IFFO2: variants seen among roughly 807,000 people sequenced by gnomAD.
IFFO2 encodes intermediate filament family orphan 2.
A neutral mutation model predicts 53.5 loss-of-function variants in IFFO2; 19 were observed. The ratio of observed to expected loss-of-function variants is 0.36; its 90% CI spans 0.25 to 0.52. IFFO2 has a LOEUF of 0.52. IFFO2 is among the 20% of genes least tolerant of loss of function. IFFO2 has a pLI of 0.94. For missense variants in IFFO2, 570 were observed against 727.4 expected, an observed-to-expected ratio of 0.78 and a Z score of 2.49; for synonymous variants, 303 against 313.6, an observed-to-expected ratio of 0.97 and a Z score of 0.36.
chr1:18,937,093 A>C (rs897297988), intron 1 of IFFO2, among the ~76,000 whole-genome samples: 10 of 152,226 alleles, frequency 6.6e-5, no homozygotes, highest in Non-Finnish European at 1.5e-4. Flanking sequence ...CGGCTGGCTC[A>C]GTGCAACTCC....
intron 1 of IFFO2, among the ~76,000 whole-genome samples, chr1:18,934,747 G>A (rs992660): frequency 0.47 from 70,968 of 151,968 alleles, 18,978 homozygotes; most frequent in African/African-American, 0.73. Flanking sequence ...TAACGACAAC[G>A]GGATGCGACC....
intron 1 of IFFO2, among the ~76,000 whole-genome samples, chr1:18,939,555 C>T (rs915433327): frequency 2.0e-5 from 3 of 152,180 alleles, no homozygotes; most frequent in Non-Finnish European, 4.4e-5. Context: ...AATGTGCCTC[C>T]CTCCCAGAAA....
intron 1 of IFFO2, among the ~76,000 whole-genome samples, chr1:18,949,173 G>A (rs1293952986): frequency 6.6e-6 from 1 of 152,182 alleles, no homozygotes; most frequent in Non-Finnish European, 1.5e-5. Context: ...CCATCCTCCT[G>A]GAGGCCTACT....
intron 1 of IFFO2, among the ~76,000 whole-genome samples, chr1:18,938,276 A>G (rs531439505): frequency 4.7e-4 from 71 of 152,370 alleles, no homozygotes; most frequent in Non-Finnish European, 7.9e-4. Context: ...CCATAAGATC[A>G]TAAACACCAG....
intron 8 of IFFO2, 40 bp downstream of exon 8, chr1:18,910,302 G>T: frequency 6.4e-7 from 1 of 1,568,172 alleles, no homozygotes; most frequent in Non-Finnish European, 8.6e-7. Context: ...TCCCCTCCAA[G>T]GATGCCATAG....
rs1936447375 is a variant in IFFO2, at chr1:18,936,385, C to G, written c.666-15264G>C. On this transcript the variant is annotated intron_variant, in intron 1 of 8. Transcript: ENST00000455833. This position sits in a 1 kb window ranked among gnomAD's most constrained non-coding sequence, Gnocchi z 4.5. ...CTTTCTGCCTAGGCCTGGCCAAGCC[C>G]CCATGGACCCTCCACCCCATCCCCA... Among the ~76,000 whole-genome samples the G allele has an allele frequency of 6.6e-6, 1 of 152,198 alleles. No homozygotes were observed. Among genetic ancestry groups the G allele is most frequent in the Non-Finnish European group, 1.5e-5 (1 of 68,030 alleles).
In IFFO2 at chr1:18,908,456, G is replaced by C. The variant is rs1935983918; in HGVS notation, c.*105C>G. On this transcript the variant is annotated 3_prime_UTR_variant, in exon 9 of 9. Coordinates refer to ENST00000455833, the MANE Select transcript of IFFO2 (RefSeq NM_001136265.2). ...AGAGAAGGGAGGGCAGAGAAAGTCT[G>C]TGTGGTGTGGCTTCGAACCCCACTC... 1 of 772,532 alleles carries C rather than the reference G, an allele frequency of 1.3e-6. No individual in the cohort carries two copies. The highest frequency in any genetic ancestry group is 2.2e-6 in the Non-Finnish European group (1 of 447,118). The allele number at this position is 772,532 out of a possible 1,614,324, so 47.9% of individuals were successfully genotyped here.
chr1:18,947,950 C>T lies in IFFO2; in HGVS notation c.665+7718G>A, dbSNP rs1160079820. On this transcript the variant is annotated intron_variant, in intron 1 of 8. Coordinates refer to ENST00000455833, the MANE Select transcript of IFFO2 (RefSeq NM_001136265.2). The surrounding 1 kb of genome is among the most constrained non-coding windows in gnomAD (Gnocchi z 5.0). ...CTCCAGGGGCATGGGACAAGGCCAC[C>T]TCCTGGGAGGAGCACTGACCTTGGG... Among the ~76,000 whole-genome samples the T allele has an allele frequency of 6.6e-6, 1 of 152,230 alleles. No homozygotes were observed. The highest frequency in any genetic ancestry group is 1.9e-4 in the East Asian group (1 of 5,196).
rs138178317 is a variant in IFFO2 at position 18,918,325 on chromosome 1, T to C, written c.963+37A>G. On this transcript the variant is annotated intron_variant, in intron 4 of 8. Transcript: ENST00000455833. The surrounding 1 kb of genome is among the most constrained non-coding windows in gnomAD (Gnocchi z 5.2). Reference sequence around the variant, plus strand: ...GGAGGCCAGGGCTGCTCTGGGAGAGTGGGGGGTTGGCTGGTGAGCAGGGCA... The same window carrying C: ...GGAGGCCAGGGCTGCTCTGGGAGAGCGGGGGGTTGGCTGGTGAGCAGGGCA... 39 of 1,525,648 alleles carry C rather than the reference T, an allele frequency of 2.6e-5. No individual in the cohort carries two copies. The highest frequency in any genetic ancestry group is 1.7e-4 in the Middle Eastern group (1 of 5,754). 94.5% of individuals were successfully genotyped at this position (1,525,648 alleles called of 1,614,324 possible). A position where few individuals can be genotyped will look rare whatever the true frequency, so the allele number is the denominator to read the frequency against.
At chr1:18,921,563 C>G (rs146576057) in intron 1 of IFFO2, among the ~76,000 whole-genome samples, 73 of 152,336 alleles carry the variant, frequency 4.8e-4, no homozygotes, top group African/African-American at 1.7e-3. Context: ...TTTTATTGTG[C>G]TAAGCATTGC....
At chr1:18,951,858 T>C (rs1012023800) in intron 1 of IFFO2, among the ~76,000 whole-genome samples, 4 of 152,098 alleles carry the variant, frequency 2.6e-5, no homozygotes, top group Non-Finnish European at 5.9e-5. Context: ...GAGAAAGGCT[T>C]CAGCGAACAC....
At position 18,956,116 on chromosome 1, in the gene IFFO2, C is replaced by G. The variant is rs920276600; in HGVS notation, c.217G>C (p.Glu73Gln). ...RFRCFLAKVH[E>Q]LERRNRLLEK... is the part of the protein sequence containing the mutation. The stretch of plus-strand genomic sequence containing the variant: ...AGCAGCCGGTTGCGCCGCTCCAGCT[C>G]GTGCACCTTAGCCAGGAAGCAGCGG... The change falls in exon 1 of 9, where the codon GAG (glutamate) becomes CAG (glutamine). Residue 73 changes from glutamate to glutamine, a missense_variant. Physicochemically the swap from Glu to Gln is conservative, Grantham distance 29. Transcript: ENST00000455833. This position sits in a 1 kb window ranked among gnomAD's most constrained non-coding sequence, Gnocchi z 6.4. 6.6e-7 allele frequency: 1 copy of G among 1,508,332 alleles called. No individual in the cohort carries two copies. Among genetic ancestry groups the G allele is most frequent in the Non-Finnish European group, 8.9e-7 (1 of 1,121,484 alleles). 93.4% of individuals were successfully genotyped at this position (1,508,332 alleles called of 1,614,324 possible).
rs1426761008 is a variant in IFFO2 at position 18,916,972 on chromosome 1, T to C, written c.1034A>G (p.Asn345Ser). 2 of 1,551,988 alleles carry C rather than the reference T, an allele frequency of 1.3e-6. No individual in the cohort carries two copies. Among genetic ancestry groups the C allele is most frequent in the Non-Finnish European group, 1.7e-6 (2 of 1,147,060 alleles). Reference protein sequence around the residue: ...DDISEQDGEVNRFSDDEVGSM... With the variant: ...DDISEQDGEVSRFSDDEVGSM... ...GCCGACCTCATCGTCCGAGAACCGGTTCACCTCCCCGTCCTGCTCAGAGAT... is the reference window on the plus strand; with the variant it reads ...GCCGACCTCATCGTCCGAGAACCGGCTCACCTCCCCGTCCTGCTCAGAGAT... Residue 345 changes from asparagine (N) to serine (S), a missense_variant, in exon 5 of 9, where the codon AAC (asparagine) becomes AGC (serine). By Grantham distance (46) the Asn-to-Ser change is conservative. Transcript: ENST00000455833. This position sits in a 1 kb window ranked among gnomAD's most constrained non-coding sequence, Gnocchi z 4.3.
intron 1 of IFFO2, among the ~76,000 whole-genome samples, chr1:18,931,298 C>T (rs1006080219): frequency 7.2e-5 from 11 of 152,174 alleles, no homozygotes; most frequent in Admixed American, 2.6e-4. Flanking sequence ...GTGGGCACTC[C>T]CCCTACCCCT....
At chr1:18,926,954 C>T (rs774637679) in intron 1 of IFFO2, among the ~76,000 whole-genome samples, 1 of 152,152 alleles carries the variant, frequency 6.6e-6, no homozygotes, top group African/African-American at 2.4e-5. Context: ...ACCTGGGGCT[C>T]CTGGAGTGAG....
intron 1 of IFFO2, among the ~76,000 whole-genome samples, chr1:18,931,830 C>A (rs1317910216): frequency 6.6e-6 from 1 of 152,222 alleles, no homozygotes; most frequent in Non-Finnish European, 1.5e-5. Context: ...ATAAGCCCCA[C>A]TCCCTGCCCA....
chr1:18,956,046 A>C lies in IFFO2; in HGVS notation c.287T>G (p.Leu96Arg). 6.8e-7 allele frequency: 1 copy of C among 1,467,796 alleles called. No homozygotes were observed. The highest frequency in any genetic ancestry group is 9.1e-7 in the Non-Finnish European group (1 of 1,095,314). 90.9% of individuals were successfully genotyped at this position (1,467,796 alleles called of 1,614,324 possible). A position where few individuals can be genotyped will look rare whatever the true frequency, so the allele number is the denominator to read the frequency against. Reference protein sequence around the residue: ...EQQQSERERRLRYKTFSREQA... With the variant: ...EQQQSERERRRRYKTFSREQA... The stretch of plus-strand genomic sequence containing the variant: ...CTCGCGGGAGAAGGTCTTGTAGCGC[A>C]GCCGCCGCTCGCGCTCGCTCTGCTG... The change falls in exon 1 of 9, where the codon CTG becomes CGG. Residue 96 changes from leucine to arginine, a missense_variant. By Grantham distance (102) the Leu-to-Arg change is moderately radical. Transcript: ENST00000455833. This position sits in a 1 kb window ranked among gnomAD's most constrained non-coding sequence, Gnocchi z 6.4.
intron 1 of IFFO2, among the ~76,000 whole-genome samples, chr1:18,942,447 G>T (rs182861231): frequency 2.6e-5 from 4 of 152,252 alleles, no homozygotes; most frequent in Admixed American, 2.6e-4. Flanking sequence ...AACAGCTGAG[G>T]GGCCAGCAGC....
intron 1 of IFFO2, among the ~76,000 whole-genome samples, chr1:18,934,374 GC>G (rs1936418799): frequency 6.6e-6 from 1 of 152,062 alleles, no homozygotes; most frequent in African/African-American, 2.4e-5. Flanking sequence ...GCCCAGCCTG[GC>G]TGATTTCATT....
Sources: allele counts gnomAD v4.1 joint callset (sites outside exome capture counted in the v4.1 genomes callset), GRCh38; gene constraint gnomAD v4.1.1; non-coding constraint Gnocchi (gnomAD v3.1); transcripts MANE v1.5; gene names NCBI Gene and HGNC (gene_info 2026-07-23, HGNC 2026-07-21).